The following CDV3 variants were observed in gnomAD, a reference collection of about 807,000 sequenced individuals.
CDV3 encodes protein CDV3 homolog.
In CDV3, 14 loss-of-function variants were observed where a neutral mutation model predicts 24.5. That is an observed-to-expected ratio of 0.57 (90% CI 0.38 to 0.89). The LOEUF (loss-of-function observed/expected upper bound fraction) is 0.89. CDV3 is among the 40% of genes least tolerant of loss of function. The pLI is 0.00. For missense variants in CDV3, 304 were observed against 310.2 expected, an observed-to-expected ratio of 0.98 and a Z score of 0.15; for synonymous variants, 114 against 114.1, an observed-to-expected ratio of 1.00 and a Z score of 0.00.
At chr3:133,586,536 T>G (rs199960057) in intron 3 of CDV3, 27 bp from the exon 4 acceptor site, 1 of 1,270,160 alleles carries the variant, frequency 7.9e-7, no homozygotes, top group Non-Finnish European at 1.1e-6. Flanking sequence ...TTAAATAGTT[T>G]ATCTAAAAAT....
intron 2 of CDV3, among the ~76,000 whole-genome samples, chr3:133,577,326 A>G (rs2074852985): frequency 1.3e-5 from 2 of 151,268 alleles, no homozygotes; most frequent in African/African-American, 2.4e-5. Flanking sequence ...ATTTCTCGGT[A>G]TACTGAGAGC....
At position 133,579,304 on chromosome 3, in the gene CDV3, A is replaced by T. The variant is rs140428579; in HGVS notation, c.317+4189A>T. Among the ~76,000 whole-genome samples the T allele has an allele frequency of 2.9e-3, 438 of 152,364 alleles. 3 individuals are homozygous for T. Among genetic ancestry groups the T allele is most frequent in the Non-Finnish European group, 4.9e-3 (336 of 68,038 alleles). On this transcript the variant is annotated intron_variant, in intron 2 of 4. Coordinates refer to ENST00000264993, the MANE Select transcript of CDV3 (RefSeq NM_017548.5). ...ATATGTGGAATTGTGATGAATTTAC[A>T]GCAGTATTGTAGTGTTTGTTTATAA...
At chr3:133,581,345 C>T (rs1216098762) in intron 2 of CDV3, among the ~76,000 whole-genome samples, 3 of 152,146 alleles carry the variant, frequency 2.0e-5, no homozygotes, top group East Asian at 3.9e-4. Flanking sequence ...GATTGGGCCT[C>T]TGTACTCCAG....
Position 133,579,670 on chromosome 3 carries a change from G to T in CDV3, c.318-4332G>T, listed in dbSNP as rs149585802. The stretch of plus-strand genomic sequence containing the variant: ...TGCAATGGCGCAATCTCCGCTCACT[G>T]CAACCTCCACCTCCCAAGTTCAAGC... On this transcript the variant is annotated intron_variant, in intron 2 of 4. Coordinates refer to ENST00000264993, the MANE Select transcript of CDV3 (RefSeq NM_017548.5). Among the ~76,000 whole-genome samples, 1,070 of 151,952 alleles carry T rather than the reference G, an allele frequency of 7.0e-3. 13 individuals are homozygous for T. Among genetic ancestry groups the T allele is most frequent in the African/African-American group, 0.025 (1,016 of 41,434 alleles).
chr3:133,574,013 C>A lies in CDV3; in HGVS notation c.-32C>A. 1.9e-6 allele frequency: 2 copies of A among 1,061,318 alleles called. No homozygotes were observed. Among genetic ancestry groups the A allele is most frequent in the African/African-American group, 1.7e-5 (1 of 58,714 alleles). 65.7% of individuals were successfully genotyped at this position (1,061,318 alleles called of 1,614,324 possible). A position where few individuals can be genotyped will look rare whatever the true frequency, so the allele number is the denominator to read the frequency against. The stretch of plus-strand genomic sequence containing the variant: ...CCCCGCGGGCCGCGCCCGCCGCCGG[C>A]CCCACCCATCCGGGTCGAGGAGGCC... On this transcript the variant is annotated 5_prime_UTR_variant, in exon 1 of 5. Transcript: ENST00000264993.
intron 2 of CDV3, 139 bp from the exon 3 acceptor site, chr3:133,583,863 C>T (rs376218612): frequency 2.8e-5 from 18 of 642,470 alleles, no homozygotes; most frequent in Middle Eastern, 8.5e-4. Flanking sequence ...TACCTGGCCT[C>T]ACTTTTTAAA....
Position 133,574,123 on chromosome 3 carries a change from C to T in CDV3, c.79C>T (p.Arg27Trp). The change falls in exon 1 of 5, where the codon CGG becomes TGG. Residue 27 changes from arginine to tryptophan, a missense_variant. By Grantham distance (101) the Arg-to-Trp change is moderately radical. Transcript: ENST00000264993. ...GAAGAAGAAGAAGGAGCGGAGCAAC[C>T]GGGCGGCGAGTGCCGCGGGCGCAGC... is the stretch of plus-strand genomic sequence containing the variant. ...DKKKKKERSN[R>W]AASAAGAAGS... The T allele has an allele frequency of 8.3e-7, 1 of 1,201,164 alleles. No individual in the cohort carries two copies. The highest frequency in any genetic ancestry group is 1.6e-5 in the African/African-American group (1 of 61,740). 74.4% of individuals were successfully genotyped at this position (1,201,164 alleles called of 1,614,324 possible).
chr3:133,582,752 G>C (rs1265262479), intron 2 of CDV3, among the ~76,000 whole-genome samples: 1 of 152,156 alleles, frequency 6.6e-6, no homozygotes, highest in Non-Finnish European at 1.5e-5. Context: ...GAGTTGAGAA[G>C]CTTGAAGACC....
At chr3:133,578,489 T>G (rs537102537) in intron 2 of CDV3, among the ~76,000 whole-genome samples, 3 of 152,246 alleles carry the variant, frequency 2.0e-5, no homozygotes, top group African/African-American at 7.2e-5. Flanking sequence ...CTTATGTGAC[T>G]ACTCTGCTAG....
Position 133,574,098 on chromosome 3 carries a change from G to C in CDV3, c.54G>C (p.Lys18Asn). 2 of 1,132,750 alleles carry C rather than the reference G, an allele frequency of 1.8e-6. No homozygotes were observed. Among genetic ancestry groups the C allele is most frequent in the Non-Finnish European group, 1.1e-6 (1 of 894,506 alleles). 70.2% of individuals were successfully genotyped at this position (1,132,750 alleles called of 1,614,324 possible). ...ACAACTTCTTTGCCAAGAGGGACAAGAAGAAGAAGAAGGAGCGGAGCAACC... is the reference window on the plus strand; with the variant it reads ...ACAACTTCTTTGCCAAGAGGGACAACAAGAAGAAGAAGGAGCGGAGCAACC... ...SLDNFFAKRD[K>N]KKKKERSNRA... Residue 18 changes from lysine to asparagine, a missense_variant, in exon 1 of 5, where the codon AAG becomes AAC. Lys to Asn is a moderately conservative substitution (Grantham distance 94). Coordinates refer to ENST00000264993, the MANE Select transcript of CDV3 (RefSeq NM_017548.5).
chr3:133,588,481 T>G lies in CDV3; in HGVS notation c.*435T>G. On this transcript the variant is annotated 3_prime_UTR_variant, in exon 5 of 5. Transcript: ENST00000264993. Reference sequence around the variant, plus strand: ...TCGATGTGAACCTTGCAACCAGCTCTACTGGATTCTTATCAGAAATCCTGC... The same window carrying G: ...TCGATGTGAACCTTGCAACCAGCTCGACTGGATTCTTATCAGAAATCCTGC... The G allele has an allele frequency of 5.3e-5, 53 of 991,984 alleles. No individual in the cohort carries two copies. The highest frequency in any genetic ancestry group is 7.2e-5 in the Non-Finnish European group (48 of 665,862). The allele number at this position is 991,984 out of a possible 1,614,324, so 61.4% of individuals were successfully genotyped here.
chr3:133,580,262 T>C (rs1559784215), intron 2 of CDV3, among the ~76,000 whole-genome samples: 1 of 152,194 alleles, frequency 6.6e-6, no homozygotes, highest in Admixed American at 6.5e-5. Flanking sequence ...AGAATGATGG[T>C]TTCCAGCTTT....
chr3:133,584,386 T>G (rs1480338027), intron 3 of CDV3, among the ~76,000 whole-genome samples: 1 of 152,188 alleles, frequency 6.6e-6, no homozygotes, highest in African/African-American at 2.4e-5. Context: ...TTTATATAGA[T>G]ATAGACTAGT....
chr3:133,573,950 G>T lies in CDV3; in HGVS notation c.-95G>T. 1.0e-6 allele frequency: 1 copy of T among 967,804 alleles called. No homozygotes were observed. The highest frequency in any genetic ancestry group is 1.2e-6 in the Non-Finnish European group (1 of 812,240). The allele number at this position is 967,804 out of a possible 1,614,324, so 60.0% of individuals were successfully genotyped here. On this transcript the variant is annotated 5_prime_UTR_variant, in exon 1 of 5. Coordinates refer to ENST00000264993, the MANE Select transcript of CDV3 (RefSeq NM_017548.5). ...GGCTGAGGCGTCGCCGCGCCCGGCA[G>T]CGTGAGCGCAGAGCCGGCCTCGACC...
chr3:133,575,768 T>C (rs551990622), intron 2 of CDV3, among the ~76,000 whole-genome samples: 1 of 152,342 alleles, frequency 6.6e-6, no homozygotes, highest in African/African-American at 2.4e-5. Context: ...TTTTTAAAAA[T>C]TGGGTAGTTT....
At chr3:133,583,219 C>T (rs1933232997) in intron 2 of CDV3, among the ~76,000 whole-genome samples, 1 of 152,218 alleles carries the variant, frequency 6.6e-6, no homozygotes, top group Non-Finnish European at 1.5e-5. Context: ...ATTCTATCCT[C>T]TGTAAACACT....
chr3:133,574,104 G>T lies in CDV3; in HGVS notation c.60G>T (p.Lys20Asn), dbSNP rs754381748. The change falls in exon 1 of 5, where the codon AAG becomes AAT. Residue 20 changes from lysine to asparagine, a missense_variant. Transcript: ENST00000264993. Reference protein sequence around the residue: ...DNFFAKRDKKKKKERSNRAAS... With the variant: ...DNFFAKRDKKNKKERSNRAAS... ...TCTTTGCCAAGAGGGACAAGAAGAAGAAGAAGGAGCGGAGCAACCGGGCGG... is the reference window on the plus strand; with the variant it reads ...TCTTTGCCAAGAGGGACAAGAAGAATAAGAAGGAGCGGAGCAACCGGGCGG... The T allele has an allele frequency of 8.2e-7, 1 of 1,225,338 alleles. No homozygotes were observed. The highest frequency in any genetic ancestry group is 1.5e-5 in the South Asian group (1 of 64,770). The allele number at this position is 1,225,338 out of a possible 1,614,324, so 75.9% of individuals were successfully genotyped here.
In CDV3 at chr3:133,586,558, ATTAG is replaced by A; in HGVS notation, c.467-1_469del. 6.7e-7 allele frequency: 1 copy of A among 1,497,954 alleles called. No homozygotes were observed. Among genetic ancestry groups the A allele is most frequent in the South Asian group, 1.2e-5 (1 of 84,480 alleles). The allele number at this position is 1,497,954 out of a possible 1,614,324, so 92.8% of individuals were successfully genotyped here. On this transcript the variant is annotated splice_acceptor_variant and splice_polypyrimidine_tract_variant and intron_variant, in intron 3 of 4. Coordinates refer to ENST00000264993, the MANE Select transcript of CDV3 (RefSeq NM_017548.5). LOFTEE classifies it high-confidence loss of function. ...GTTTATCTAAAAATTGTTATAAAAT[ATTAG>A]TTACAGAAACCCCAGAACCAGCGAT...
intron 4 of CDV3, chr3:133,587,209 A>G: frequency 7.5e-7 from 1 of 1,339,882 alleles, no homozygotes; most frequent in Admixed American, 3.2e-5. Context: ...CATATGGCAC[A>G]TCTACATCTT....
Sources: gnomAD v4.1 joint callset for allele counts (sites outside exome capture counted in the v4.1 genomes callset) on GRCh38, gnomAD v4.1.1 for gene constraint, MANE v1.5 for transcripts, NCBI Gene and HGNC (gene_info 2026-07-23, HGNC 2026-07-21) for gene names.